The following ATF6 variants were observed in gnomAD, a reference collection of about 807,000 sequenced individuals.
ATF6 encodes cyclic AMP-dependent transcription factor ATF-6 alpha.
A neutral mutation model predicts 83.6 loss-of-function variants in ATF6; 53 were observed. The ratio of observed to expected loss-of-function variants is 0.63; its 90% confidence interval spans 0.51 to 0.80. The LOEUF (loss-of-function observed/expected upper bound fraction) is 0.80, where lower values mean the gene tolerates loss of function less well. Among genes scored for constraint, ATF6 ranks in the 30% least tolerant of loss-of-function variants. ATF6 has a pLI of 0.00. For synonymous variants in ATF6, 288 were observed against 285.8 expected (o/e 1.01, Z -0.08); for missense variants, 744 against 797.9 (o/e 0.93, Z 0.81).
Position 161,910,169 on chromosome 1 carries a change from G to A in ATF6, c.1720-2127G>A, listed in dbSNP as rs2341478. ...AATATTCAATGAAGTTAACTACATT[G>A]TCCCAGATATATAGATAAGATAGAT... On this transcript the variant is annotated intron_variant, in intron 14 of 15. Coordinates refer to ENST00000367942, the MANE Select transcript of ATF6 (RefSeq NM_007348.4). 9.8e-3 allele frequency among the ~76,000 whole-genome samples: 1,490 copies of A among 152,210 alleles called. 25 individuals are homozygous for A. Among genetic ancestry groups the A allele is most frequent in the African/African-American group, 0.034 (1,424 of 41,526 alleles).
chr1:161,780,049 A>G (rs1362721439), intron 2 of ATF6, among the ~76,000 whole-genome samples: 1 of 151,948 alleles, frequency 6.6e-6, no homozygotes, highest in Non-Finnish European at 1.5e-5. Flanking sequence ...AGGCTGCTTA[A>G]TTTTTTGATG....
chr1:161,924,561 C>T (rs1323402276), intron 15 of ATF6, among the ~76,000 whole-genome samples: 1 of 152,074 alleles, frequency 6.6e-6, no homozygotes, highest in Non-Finnish European at 1.5e-5. Flanking sequence ...AGATATTTGC[C>T]TCTATATGTA....
At chr1:161,847,262 C>G (rs1291660518) in intron 10 of ATF6, among the ~76,000 whole-genome samples, 1 of 152,120 alleles carries the variant, frequency 6.6e-6, no homozygotes, top group Non-Finnish European at 1.5e-5. Flanking sequence ...AGGGAGGTCA[C>G]AGTATGGTAA....
intron 7 of ATF6, among the ~76,000 whole-genome samples, chr1:161,810,358 T>C (rs1685426208): frequency 6.6e-6 from 1 of 152,088 alleles, no homozygotes; most frequent in African/African-American, 2.4e-5. Flanking sequence ...CTACACACTT[T>C]TAAACAACCA....
At chr1:161,890,557 A>G (rs1346805156) in intron 14 of ATF6, among the ~76,000 whole-genome samples, 1 of 152,222 alleles carries the variant, frequency 6.6e-6, no homozygotes. Flanking sequence ...ATTCTTTGGA[A>G]CTGTCTTTCA....
chr1:161,768,885 T>G (rs1460346413), intron 1 of ATF6, among the ~76,000 whole-genome samples: 1 of 152,198 alleles, frequency 6.6e-6, no homozygotes, highest in African/African-American at 2.4e-5. Context: ...TTTTTAATAT[T>G]AGACACTATC....
intron 15 of ATF6, among the ~76,000 whole-genome samples, chr1:161,939,606 C>A (rs1688605310): frequency 6.6e-6 from 1 of 152,232 alleles, no homozygotes; most frequent in South Asian, 2.1e-4. Context: ...GACCCACGCT[C>A]TTTCTTTCCT....
chr1:161,897,472 A>G (rs1007982812), intron 14 of ATF6, among the ~76,000 whole-genome samples: 19 of 151,104 alleles, frequency 1.3e-4, no homozygotes, highest in African/African-American at 4.6e-4. Context: ...CTACTGGCCA[A>G]CTCCTCCCCC....
rs376209232 is a variant in ATF6, at chr1:161,857,186, A to G, written c.1534-3021A>G. Among the ~76,000 whole-genome samples the G allele has an allele frequency of 1.4e-4, 22 of 152,216 alleles. No individual in the cohort carries two copies. In the South Asian group the frequency reaches 3.5e-3, roughly 24 times the overall value. On this transcript the variant is annotated intron_variant, in intron 12 of 15. Coordinates refer to ENST00000367942, the MANE Select transcript of ATF6 (RefSeq NM_007348.4). ...TAACTGCTCTCCTTTTTCTTTTCTCATTTCAACCTTTTTTTCTTCCGGTTA... is the reference window on the plus strand; with the variant it reads ...TAACTGCTCTCCTTTTTCTTTTCTCGTTTCAACCTTTTTTTCTTCCGGTTA...
chr1:161,916,525 T>C (rs575437921), intron 15 of ATF6, among the ~76,000 whole-genome samples: 2 of 152,180 alleles, frequency 1.3e-5, no homozygotes, highest in Admixed American at 1.3e-4. Context: ...ATGATGATAC[T>C]AAAAAAAATT....
intron 1 of ATF6, among the ~76,000 whole-genome samples, chr1:161,771,155 C>T (rs1486183477): frequency 6.6e-6 from 1 of 152,146 alleles, no homozygotes; most frequent in Non-Finnish European, 1.5e-5. Context: ...TTCTCTTTTA[C>T]TCTTGCTTGA....
chr1:161,935,844 C>G (rs910139685), intron 15 of ATF6, among the ~76,000 whole-genome samples: 2 of 152,162 alleles, frequency 1.3e-5, no homozygotes, highest in African/African-American at 4.8e-5. Flanking sequence ...AATGCTCGAG[C>G]ATTTCTAAAG....
At chr1:161,916,710 T>C (rs532565663) in intron 15 of ATF6, among the ~76,000 whole-genome samples, 2 of 152,366 alleles carry the variant, frequency 1.3e-5, no homozygotes, top group Admixed American at 1.3e-4. Flanking sequence ...TTTTACTGTC[T>C]TTGATGACAT....
intron 15 of ATF6, among the ~76,000 whole-genome samples, chr1:161,955,618 C>T (rs553956001): frequency 6.6e-6 from 1 of 152,296 alleles, no homozygotes; most frequent in African/African-American, 2.4e-5. Flanking sequence ...TACTAAGCCA[C>T]CCAAAGAACC....
rs563875889 is a variant in ATF6, at chr1:161,768,139, G to A, written c.82+1697G>A. On this transcript the variant is annotated intron_variant, in intron 1 of 15. Coordinates refer to ENST00000367942, the MANE Select transcript of ATF6 (RefSeq NM_007348.4). ...CAAAGTGCTGGGATTACGGGTGTGA[G>A]CCACTGTGCCCGGCCAGTGACATTT... 2.9e-4 allele frequency among the ~76,000 whole-genome samples: 44 copies of A among 152,332 alleles called. 1 individual carries two copies. The East Asian group carries it at 5.6e-3, about 19-fold the overall frequency.
chr1:161,883,458 G>GT (rs1433947637), intron 14 of ATF6, among the ~76,000 whole-genome samples: 2 of 151,898 alleles, frequency 1.3e-5, no homozygotes, highest in Non-Finnish European at 2.9e-5. Context: ...CAGACACCAG[G>GT]TTTTCAGCTG....
At chr1:161,885,462 A>G (rs1687400838) in intron 14 of ATF6, among the ~76,000 whole-genome samples, 1 of 152,202 alleles carries the variant, frequency 6.6e-6, no homozygotes, top group South Asian at 2.1e-4. Flanking sequence ...ATGTTACCAC[A>G]GTCAAAAGCA....
At chr1:161,892,578 T>C (rs1163045957) in intron 14 of ATF6, among the ~76,000 whole-genome samples, 1 of 152,150 alleles carries the variant, frequency 6.6e-6, no homozygotes, top group Non-Finnish European at 1.5e-5. Context: ...CTCTTAGATA[T>C]TTCTTAAAGT....
At chr1:161,933,014 GT>G (rs1688464908) in intron 15 of ATF6, among the ~76,000 whole-genome samples, 1 of 152,168 alleles carries the variant, frequency 6.6e-6, no homozygotes, top group Admixed American at 6.5e-5. Context: ...GGAAGCCATA[GT>G]ATCTTTGTAA....
Sources: allele counts gnomAD v4.1 joint callset (sites outside exome capture counted in the v4.1 genomes callset), GRCh38; gene constraint gnomAD v4.1.1; transcripts MANE v1.5; gene names NCBI Gene and HGNC (gene_info 2026-07-23, HGNC 2026-07-21).